Variants in PPARGC1A observed in about 807,000 individuals in gnomAD.
The protein encoded by PPARGC1A is peroxisome proliferator-activated receptor gamma coactivator 1-alpha.
Under a neutral mutation model 88.7 loss-of-function variants are expected in PPARGC1A, and 25 were observed. The observed-to-expected ratio is 0.28, with a 90% confidence interval of 0.21 to 0.39. The LOEUF is 0.39. PPARGC1A is among the 10% of genes least tolerant of loss of function. PPARGC1A has a pLI of 1.00. For missense variants in PPARGC1A, 880 were observed against 968.7 expected (o/e 0.91, Z 1.22); for synonymous variants, 363 against 355.6 (o/e 1.02, Z -0.24).
the PPARGC1A span, among the ~76,000 whole-genome samples, chr4:24,068,203 GC>G: frequency 3.4e-5 from 3 of 88,890 alleles, no homozygotes; most frequent in South Asian, 9.3e-4. Context: ...TGTAATCAAT[GC>G]CACGGAAGGA....
At chr4:24,382,556 T>C in the PPARGC1A span, among the ~76,000 whole-genome samples, 2 of 152,196 alleles carry the variant, frequency 1.3e-5, no homozygotes, top group Admixed American at 6.5e-5. Flanking sequence ...AGACTATTTG[T>C]AGACTGTGAC....
the PPARGC1A span, among the ~76,000 whole-genome samples, chr4:24,214,062 A>G: frequency 6.6e-6 from 1 of 152,218 alleles, no homozygotes; most frequent in Non-Finnish European, 1.5e-5. Flanking sequence ...TCAGAATGGA[A>G]TGTGAGGCAA....
chr4:23,969,302 A>G, the PPARGC1A span, among the ~76,000 whole-genome samples: 1 of 152,204 alleles, frequency 6.6e-6, no homozygotes, highest in Non-Finnish European at 1.5e-5. Context: ...TATGAGGTAC[A>G]CTAACGTCAC....
At chr4:24,274,287 C>A in the PPARGC1A span, among the ~76,000 whole-genome samples, 1 of 152,042 alleles carries the variant, frequency 6.6e-6, no homozygotes, top group Non-Finnish European at 1.5e-5. Flanking sequence ...CAGAGGATAT[C>A]CACCTCCTAC....
the PPARGC1A span, among the ~76,000 whole-genome samples, chr4:24,389,316 C>T: frequency 2.0e-5 from 3 of 152,040 alleles, no homozygotes; most frequent in South Asian, 2.1e-4. Flanking sequence ...AATGTGTCCC[C>T]TCATATAACA....
chr4:23,918,717 C>T, the PPARGC1A span, among the ~76,000 whole-genome samples: 8 of 151,944 alleles, frequency 5.3e-5, no homozygotes, highest in Middle Eastern at 3.4e-3. Context: ...TTTCATGGTC[C>T]CCTGTCTATT....
chr4:24,437,012 C>A, the PPARGC1A span, among the ~76,000 whole-genome samples: 13,651 of 152,250 alleles, frequency 0.09, 747 homozygotes, highest in East Asian at 0.16. Flanking sequence ...TGGGTATTTT[C>A]TTTGCCAACA....
At chr4:24,146,549 G>A in the PPARGC1A span, among the ~76,000 whole-genome samples, 2 of 152,192 alleles carry the variant, frequency 1.3e-5, no homozygotes, top group Admixed American at 6.5e-5. Flanking sequence ...GAGGCACAAC[G>A]TCATTAGATC....
chr4:24,472,903 TGCGCGCGGGGGTGC>T, the PPARGC1A span, among the ~76,000 whole-genome samples: 1 of 144,136 alleles, frequency 6.9e-6, no homozygotes. The surrounding 1 kb of genome is among the most constrained non-coding windows in gnomAD (Gnocchi z 4.5). Context: ...GGCGGGCGTG[TGCGCGCGGGGGTGC>T]GTGCGTGTGT....
the PPARGC1A span, among the ~76,000 whole-genome samples, chr4:24,429,574 A>G: frequency 6.6e-6 from 1 of 152,164 alleles, no homozygotes; most frequent in African/African-American, 2.4e-5. Context: ...GGGGTTTGCC[A>G]ACAGAAAAGC....
chr4:24,085,350 TA>T, the PPARGC1A span, among the ~76,000 whole-genome samples: 1 of 152,240 alleles, frequency 6.6e-6, no homozygotes, highest in Non-Finnish European at 1.5e-5. Context: ...AAAAGTTATT[TA>T]AAACAAACAT....
chr4:23,820,910 G>A (rs897187449), intron 7 of PPARGC1A, among the ~76,000 whole-genome samples: 1 of 152,122 alleles, frequency 6.6e-6, no homozygotes, highest in African/African-American at 2.4e-5. Flanking sequence ...GCCAAAGCTT[G>A]GGTCACTTCT....
chr4:23,848,169 T>C (rs980164286), intron 2 of PPARGC1A, among the ~76,000 whole-genome samples: 2 of 152,208 alleles, frequency 1.3e-5, no homozygotes, highest in Admixed American at 6.5e-5. Flanking sequence ...CAGCATTATA[T>C]AAAAATGTAG....
chr4:24,271,495 A>G, the PPARGC1A span, among the ~76,000 whole-genome samples: 3 of 152,104 alleles, frequency 2.0e-5, no homozygotes, highest in African/African-American at 7.2e-5. Flanking sequence ...CTCCTGCCTC[A>G]GCTTCCCAAG....
the PPARGC1A span, among the ~76,000 whole-genome samples, chr4:24,407,838 A>ATAGT: frequency 6.6e-6 from 1 of 152,212 alleles, no homozygotes; most frequent in African/African-American, 2.4e-5. Flanking sequence ...TGCCTGACAC[A>ATAGT]TAGTTAGCAC....
the PPARGC1A span, among the ~76,000 whole-genome samples, chr4:23,987,623 T>C: frequency 6.6e-6 from 1 of 151,978 alleles, no homozygotes; most frequent in Non-Finnish European, 1.5e-5. Flanking sequence ...CTCTCCTGTA[T>C]GTTTCCAGAG....
chr4:24,027,374 T>C, the PPARGC1A span, among the ~76,000 whole-genome samples: 2 of 152,184 alleles, frequency 1.3e-5, no homozygotes, highest in African/African-American at 4.8e-5. Flanking sequence ...TTCCCTTGAC[T>C]CTGTTTCTTC....
the PPARGC1A span, among the ~76,000 whole-genome samples, chr4:24,373,796 G>A: frequency 3.9e-5 from 6 of 152,332 alleles, no homozygotes; most frequent in African/African-American, 1.4e-4. Context: ...ACTGCAAATA[G>A]CAAGTAATCT....
At chr4:23,832,262 A>G (rs1314368472) in intron 2 of PPARGC1A, among the ~76,000 whole-genome samples, 1 of 152,202 alleles carries the variant, frequency 6.6e-6, no homozygotes, top group Non-Finnish European at 1.5e-5. Flanking sequence ...GGTTTCAATT[A>G]TAATCTCATC....
Sources: allele counts gnomAD v4.1 joint callset (sites outside exome capture counted in the v4.1 genomes callset), GRCh38; gene constraint gnomAD v4.1.1; non-coding constraint Gnocchi (gnomAD v3.1); transcripts MANE v1.5; gene names NCBI Gene and HGNC (gene_info 2026-07-23, HGNC 2026-07-21).